AREL1: variants seen among roughly 807,000 people sequenced by gnomAD.
AREL1 encodes the protein apoptosis-resistant E3 ubiquitin protein ligase 1.
Under a neutral mutation model 99.0 loss-of-function variants are expected in AREL1, and 62 were observed. The observed-to-expected ratio is 0.63, with a 90% confidence interval of 0.51 to 0.77. The LOEUF is 0.77. Ranked by LOEUF, AREL1 falls within the 30% of genes least tolerant of loss-of-function variation. The probability of loss-of-function intolerance (pLI) is 0.00; values close to 1 mark genes in which losing one functional copy is unlikely to be tolerated. For missense variants in AREL1, 879 were observed against 1,027.6 expected, an observed-to-expected ratio of 0.86 and a Z score of 1.98; for synonymous variants, 380 against 376.5, an observed-to-expected ratio of 1.01 and a Z score of -0.11.
In AREL1 at chr14:74,674,102, C is replaced by A. The variant is rs1425957619; in HGVS notation, c.1090G>T (p.Val364Leu). The change falls in exon 9 of 20, where the codon GTG becomes TTG. Residue 364 changes from valine (V) to leucine (L), a missense_variant. Val to Leu is a conservative substitution (Grantham distance 32). Transcript: ENST00000356357. ...ATGATCTTCAGGTAGAACTCCTTCA[C>A]TGAGAATTGCTGGAGGACCAACAGA... is the stretch of plus-strand genomic sequence containing the variant. The part of the protein sequence containing the change: ...YCYVSPKQFS[V>L]KEFYLKIIPW... 6.2e-7 allele frequency: 1 copy of A among 1,613,372 alleles called. No homozygotes were observed. Among genetic ancestry groups the A allele is most frequent in the South Asian group, 1.1e-5 (1 of 91,010 alleles).
At position 74,662,606 on chromosome 14, in the gene AREL1, T is replaced by C. The variant is rs764310654; in HGVS notation, c.*1114A>G. 81 of 398,178 alleles carry C rather than the reference T, an allele frequency of 2.0e-4. No homozygotes were observed. The highest frequency in any genetic ancestry group is 1.2e-3 in the Middle Eastern group (2 of 1,606). The allele number at this position is 398,178 out of a possible 1,614,324, so 24.7% of individuals were successfully genotyped here. A position where few individuals can be genotyped will look rare whatever the true frequency, so the allele number is the denominator to read the frequency against. The stretch of plus-strand genomic sequence containing the variant: ...TGATAACTGATGGAGCAAAGGGGAG[T>C]ACAGGGGTTGGCAGGTGTTTACTGT... On this transcript the variant is annotated 3_prime_UTR_variant, in exon 20 of 20. Coordinates refer to ENST00000356357, the MANE Select transcript of AREL1 (RefSeq NM_001039479.2).
rs957345662 is a variant in AREL1, at chr14:74,681,550, G to A, written c.481+1746C>T. On this transcript the variant is annotated intron_variant, in intron 5 of 19. Transcript: ENST00000356357. ...AGCACTTTGGGAGGCTGAGGCGAGC[G>A]GATCATGAGGTCAGGAGATCGAGAC... 6.6e-5 allele frequency among the ~76,000 whole-genome samples: 10 copies of A among 152,060 alleles called. No individual in the cohort carries two copies. In the East Asian group the frequency reaches 7.7e-4, roughly 12 times the overall value.
chr14:74,704,620 G>A (rs1594781590), intron 1 of AREL1, among the ~76,000 whole-genome samples: 1 of 151,934 alleles, frequency 6.6e-6, no homozygotes, highest in East Asian at 1.9e-4. Flanking sequence ...TTAGTGATTT[G>A]GGGGCCCCAA....
Position 74,670,755 on chromosome 14 carries a change from A to G in AREL1, c.1608+7T>C, listed in dbSNP as rs777942518. 6.2e-7 allele frequency: 1 copy of G among 1,613,288 alleles called. No individual in the cohort carries two copies. Among genetic ancestry groups the G allele is most frequent in the African/African-American group, 1.3e-5 (1 of 75,038 alleles). On this transcript the variant is annotated splice_region_variant and intron_variant, in intron 13 of 19. Coordinates refer to ENST00000356357, the MANE Select transcript of AREL1 (RefSeq NM_001039479.2). The stretch of plus-strand genomic sequence containing the variant: ...CCACATTTTCCACCCACCCGTCACC[A>G]ACTCACTAATGCTTGGTTGTTGTCA...
Position 74,678,811 on chromosome 14 carries a change from G to A in AREL1, c.482-2059C>T, listed in dbSNP as rs535520713. Among the ~76,000 whole-genome samples, 325 of 151,500 alleles carry A rather than the reference G, an allele frequency of 2.1e-3. 2 individuals carry two copies. Among genetic ancestry groups the A allele is most frequent in the African/African-American group, 7.3e-3 (301 of 41,244 alleles). On this transcript the variant is annotated intron_variant, in intron 5 of 19. Transcript: ENST00000356357. ...TGTAAAAACTTTTGGGAAAAAAAGAGAACATCTTCAGGATCTGAGACCAAA... is the reference window on the plus strand; with the variant it reads ...TGTAAAAACTTTTGGGAAAAAAAGAAAACATCTTCAGGATCTGAGACCAAA...
At chr14:74,677,005 T>C (rs186778475) in intron 5 of AREL1, among the ~76,000 whole-genome samples, 136 of 152,044 alleles carry the variant, frequency 8.9e-4, no homozygotes, top group African/African-American at 2.9e-3. Flanking sequence ...TTCACTGTGT[T>C]AGCCAGGATA....
Position 74,712,927 on chromosome 14 carries a change from C to A in AREL1, c.-334+6G>T, listed in dbSNP as rs1403305475. On this transcript the variant is annotated splice_donor_region_variant and intron_variant, in intron 1 of 19. Transcript: ENST00000356357. ...GGCTCTGCCTAAGGCTGGAGAGAAA[C>A]GTTACCCGAGCCGGGGGTTGCAGCG... is the stretch of plus-strand genomic sequence containing the variant. 1 of 670,364 alleles carries A rather than the reference C, an allele frequency of 1.5e-6. No homozygotes were observed. 41.5% of individuals were successfully genotyped at this position (670,364 alleles called of 1,614,324 possible). A position where few individuals can be genotyped will look rare whatever the true frequency, so the allele number is the denominator to read the frequency against.
intron 5 of AREL1, among the ~76,000 whole-genome samples, chr14:74,677,954 CAACA>C (rs2089531665): frequency 1.3e-5 from 2 of 150,912 alleles, no homozygotes; most frequent in African/African-American, 4.9e-5. Context: ...ACAAAAAAAC[CAACA>C]AACAACTAAA....
At chr14:74,684,198 T>C (rs1270171292) in intron 4 of AREL1, among the ~76,000 whole-genome samples, 3 of 152,222 alleles carry the variant, frequency 2.0e-5, no homozygotes, top group African/African-American at 7.2e-5. Context: ...CCCCTATCTA[T>C]AATACTTACT....
chr14:74,705,532 T>C (rs2090162098), intron 1 of AREL1, among the ~76,000 whole-genome samples: 1 of 152,178 alleles, frequency 6.6e-6, no homozygotes, highest in Admixed American at 6.5e-5. Context: ...ACCCAGAACA[T>C]GCACCTTGAA....
intron 18 of AREL1, 46 bp downstream of exon 18, chr14:74,664,790 T>C: frequency 6.4e-7 from 1 of 1,572,486 alleles, no homozygotes; most frequent in African/African-American, 1.3e-5. Flanking sequence ...AACTTTTTCC[T>C]TATAACATGG....
rs915452121 is a variant in AREL1, at chr14:74,676,599, G to A, written c.635C>T (p.Thr212Ile). Residue 212 changes from threonine to isoleucine, a missense_variant, in exon 6 of 20, where the codon ACC (threonine) becomes ATC (isoleucine). Thr to Ile is a moderately conservative substitution (Grantham distance 89). Coordinates refer to ENST00000356357, the MANE Select transcript of AREL1 (RefSeq NM_001039479.2). ...SMSLRDEHNY[T>I]LSIHELGPQE... ...ACTGCTTACCTCATGAATGGACAAGGTGTAATTGTGCTCATCTCTCAAGGA... is the reference window on the plus strand; with the variant it reads ...ACTGCTTACCTCATGAATGGACAAGATGTAATTGTGCTCATCTCTCAAGGA... 6.2e-7 allele frequency: 1 copy of A among 1,613,632 alleles called. No homozygotes were observed. The highest frequency in any genetic ancestry group is 8.5e-7 in the Non-Finnish European group (1 of 1,179,858).
At chr14:74,674,506 G>A (rs1302736961) in intron 8 of AREL1, among the ~76,000 whole-genome samples, 1 of 152,132 alleles carries the variant, frequency 6.6e-6, no homozygotes, top group Admixed American at 6.5e-5. Context: ...GGAGGCTGAG[G>A]CACAAGAATC....
rs1405574143 is a variant in AREL1 at position 74,674,145 on chromosome 14, G to A, written c.1081-34C>T. 5.1e-6 allele frequency: 8 copies of A among 1,561,566 alleles called. No homozygotes were observed. The East Asian group carries it at 9.0e-5, about 18-fold the overall frequency. On this transcript the variant is annotated intron_variant, in intron 8 of 19. Transcript: ENST00000356357. ...CCAACAGACAGGAAATGAAGTGAAT[G>A]ATAAATAAAAAGGCTCTATTTGGGT...
At chr14:74,704,003 T>C (rs1280007837) in intron 1 of AREL1, among the ~76,000 whole-genome samples, 1 of 152,232 alleles carries the variant, frequency 6.6e-6, no homozygotes, top group African/African-American at 2.4e-5. Flanking sequence ...CTTGGTACTG[T>C]CTTAATGTTA....
chr14:74,664,971 A>C lies in AREL1; in HGVS notation c.2104-46T>G, dbSNP rs374921018. On this transcript the variant is annotated intron_variant, in intron 17 of 19. Transcript: ENST00000356357. ...GTTACTATGACAGTCAGAGAGACAA[A>C]GACCCAATATAAGGTCAAAATTACC... The C allele has an allele frequency of 3.7e-5, 57 of 1,534,526 alleles. No homozygotes were observed. In the Middle Eastern group the frequency reaches 6.8e-4, roughly 18 times the overall value.
chr14:74,665,519 A>T (rs769591946), intron 17 of AREL1, among the ~76,000 whole-genome samples: 98 of 152,308 alleles, frequency 6.4e-4, no homozygotes, highest in Non-Finnish European at 2.8e-4. Context: ...GGGAATATCA[A>T]GGAGAAAAGG....
intron 6 of AREL1, 58 bp from the exon 7 acceptor site, chr14:74,676,379 CT>C: frequency 1.3e-6 from 2 of 1,565,214 alleles, no homozygotes; most frequent in Non-Finnish European, 8.7e-7. Flanking sequence ...TTACAAGCCA[CT>C]TTACTCCTTA....
rs1043593329 is a variant in AREL1, at chr14:74,665,143, G to A, written c.2104-218C>T. 2.6e-5 allele frequency among the ~76,000 whole-genome samples: 4 copies of A among 152,178 alleles called. No individual in the cohort carries two copies. The East Asian group carries it at 7.7e-4, about 29-fold the overall frequency. ...CAGTGGGTAAAAAAAAGATTCACAT[G>A]GCTTTTAAAATATATATTTATACAA... On this transcript the variant is annotated intron_variant, in intron 17 of 19. Transcript: ENST00000356357.
Sources: gnomAD v4.1 joint callset for allele counts (sites outside exome capture counted in the v4.1 genomes callset) on GRCh38, gnomAD v4.1.1 for gene constraint, MANE v1.5 for transcripts, NCBI Gene and HGNC (gene_info 2026-07-23, HGNC 2026-07-21) for gene names.